The following EDA variants were observed in gnomAD, a reference collection of about 807,000 sequenced individuals.
EDA encodes ectodysplasin A, also known as ectodysplasin-A.
A neutral mutation model predicts 23.6 loss-of-function variants in EDA; 2 were observed. The observed-to-expected ratio is 0.08, with a 90% confidence interval of 0.03 to 0.27. The LOEUF is 0.27. Ranked by LOEUF, EDA falls within the 10% of genes least tolerant of loss-of-function variation. The pLI, the probability that EDA is intolerant of heterozygous loss-of-function variation, is 1.00. For missense variants in EDA, 229 were observed against 324.2 expected, an observed-to-expected ratio of 0.71 and a Z score of 2.26; for synonymous variants, 131 against 132.0, an observed-to-expected ratio of 0.99 and a Z score of 0.05.
chrX:69,956,884 G>T (rs2019015972), intron 1 of EDA, 143 bp from the exon 2 acceptor site: 2 of 519,869 alleles, frequency 3.8e-6, no homozygotes, highest in African/African-American at 2.3e-5. Context: ...AAAATGGTTT[G>T]TACAGTGGAG....
At chrX:69,764,396 C>T (rs1242788787) in intron 1 of EDA, among the ~76,000 whole-genome samples, 1 of 107,608 alleles carries the variant, frequency 9.3e-6, no homozygotes, top group Non-Finnish European at 1.9e-5. Context: ...GTGCCTGCCA[C>T]CATGCCTGGC....
At chrX:69,807,592 G>T (rs774895580) in intron 1 of EDA, among the ~76,000 whole-genome samples, 1 of 107,892 alleles carries the variant, frequency 9.3e-6, no homozygotes, top group Admixed American at 1.0e-4. Flanking sequence ...ACAAGTTGGG[G>T]AGTTATTTCC....
intron 1 of EDA, among the ~76,000 whole-genome samples, chrX:69,681,555 G>A (rs1252441133): frequency 3.6e-5 from 4 of 110,623 alleles, no homozygotes; most frequent in Admixed American, 9.6e-5. Flanking sequence ...TTCCCTTCTC[G>A]CTTAATTTCA....
At chrX:69,988,701 CA>C (rs1249343028) in intron 2 of EDA, among the ~76,000 whole-genome samples, 1 of 109,923 alleles carries the variant, frequency 9.1e-6, no homozygotes, top group Non-Finnish European at 1.9e-5. Flanking sequence ...ACTAAAAATA[CA>C]AAAATTAGCC....
chrX:69,827,989 G>C (rs1178337204), intron 1 of EDA, among the ~76,000 whole-genome samples: 2 of 110,782 alleles, frequency 1.8e-5, no homozygotes, highest in Non-Finnish European at 3.8e-5. Flanking sequence ...CCTGCTGGGG[G>C]GTGCCTCCCA....
chrX:69,776,174 G>T lies in EDA; in HGVS notation c.396+159470G>T, dbSNP rs372401288. On this transcript the variant is annotated intron_variant, in intron 1 of 7. Transcript: ENST00000374552. ...TATAACTGATTCTTACATGACAAAA[G>T]AATAGTTGAACAGATGTGCAGGGGC... Among the ~76,000 whole-genome samples, 3 of 111,834 alleles carry T rather than the reference G, an allele frequency of 2.7e-5. No individual in the cohort carries two copies. In the East Asian group the frequency reaches 8.4e-4, roughly 31 times the overall value.
At chrX:69,822,922 C>T (rs974508705) in intron 1 of EDA, among the ~76,000 whole-genome samples, 2 of 95,732 alleles carry the variant, frequency 2.1e-5, no homozygotes, top group African/African-American at 7.9e-5. Context: ...GTTCAATTCC[C>T]ACCTATGAGT....
At chrX:69,880,676 C>T (rs2017731228) in intron 1 of EDA, among the ~76,000 whole-genome samples, 1 of 112,247 alleles carries the variant, frequency 8.9e-6, no homozygotes, top group Admixed American at 9.4e-5. Flanking sequence ...TGGTATACCT[C>T]ACATTGGGCA....
In EDA at chrX:70,029,363, T is replaced by C; in HGVS notation, c.707-141T>C. On this transcript the variant is annotated intron_variant, in intron 4 of 7. Transcript: ENST00000374552. ...AACAGAAGGGGTGCACTCTGACTCT[T>C]CCTCCAGCTCTGAGCCCTGGAGAAT... is the stretch of plus-strand genomic sequence containing the variant. 3 of 712,828 alleles carry C rather than the reference T, an allele frequency of 4.2e-6. No individual in the cohort carries two copies. The South Asian group carries it at 6.9e-5, about 16-fold the overall frequency. The allele number at this position is 712,828 out of a possible 1,213,427, so 58.7% of individuals were successfully genotyped here. A position where few individuals can be genotyped will look rare whatever the true frequency, so the allele number is the denominator to read the frequency against.
intron 2 of EDA, among the ~76,000 whole-genome samples, chrX:69,963,875 A>G (rs565334300): frequency 8.9e-6 from 1 of 111,924 alleles, no homozygotes; most frequent in African/African-American, 3.2e-5. Context: ...TACAAAAATG[A>G]TACATATATT....
At chrX:69,726,438 A>G (rs2012804206) in intron 1 of EDA, among the ~76,000 whole-genome samples, 2 of 112,398 alleles carry the variant, frequency 1.8e-5, no homozygotes. Flanking sequence ...AATCAGCTCA[A>G]CCTTAGCAGG....
chrX:69,617,729 T>C, intron 1 of EDA: 1 of 356,496 alleles, frequency 2.8e-6, no homozygotes, highest in Non-Finnish European at 5.5e-6. Context: ...TTGTACCTCT[T>C]AGGGAAGAGA....
intron 1 of EDA, among the ~76,000 whole-genome samples, chrX:69,795,544 A>G (rs766580603): frequency 3.5e-5 from 4 of 113,092 alleles, no homozygotes; most frequent in African/African-American, 1.3e-4. Flanking sequence ...ATAAATCATT[A>G]AAAACATAAT....
chrX:69,740,990 A>AT (rs996483304), intron 1 of EDA, among the ~76,000 whole-genome samples: 1 of 108,455 alleles, frequency 9.2e-6, no homozygotes, highest in Non-Finnish European at 1.9e-5. Flanking sequence ...TTCCATATAT[A>AT]TTTTTTTCTA....
chrX:69,925,618 TTTG>T (rs1266882316), intron 1 of EDA, among the ~76,000 whole-genome samples: 1 of 110,938 alleles, frequency 9.0e-6, no homozygotes, highest in Non-Finnish European at 1.9e-5. Context: ...GTTTTCTGTT[TTTG>T]TTGTGTCTCT....
rs371541940 is a variant in EDA, at chrX:69,731,518, T to C, written c.396+114814T>C. ...GTACAGTAGCGTGATCTCGGCTCACTGCAACCTCCGCCTCCCGGGTTCAAG... is the reference window on the plus strand; with the variant it reads ...GTACAGTAGCGTGATCTCGGCTCACCGCAACCTCCGCCTCCCGGGTTCAAG... On this transcript the variant is annotated intron_variant, in intron 1 of 7. Coordinates refer to ENST00000374552, the MANE Select transcript of EDA (RefSeq NM_001399.5). Among the ~76,000 whole-genome samples, 10 of 110,213 alleles carry C rather than the reference T, an allele frequency of 9.1e-5. No individual in the cohort carries two copies. The East Asian group carries it at 2.6e-3, about 28-fold the overall frequency.
intron 7 of EDA, among the ~76,000 whole-genome samples, chrX:70,034,481 A>C (rs745479884): frequency 2.0e-4 from 22 of 111,982 alleles, no homozygotes; most frequent in Non-Finnish European, 3.9e-4. Context: ...CCCATGGGGC[A>C]CATGGGCATA....
At chrX:69,750,475 G>A (rs968769195) in intron 1 of EDA, among the ~76,000 whole-genome samples, 2 of 110,106 alleles carry the variant, frequency 1.8e-5, no homozygotes, top group African/African-American at 6.6e-5. Flanking sequence ...TAGTGCCGCA[G>A]TAAACATACG....
chrX:69,988,959 C>T (rs751454555), intron 2 of EDA, among the ~76,000 whole-genome samples: 1 of 111,787 alleles, frequency 8.9e-6, no homozygotes, highest in African/African-American at 3.2e-5. Context: ...GAAAGCTGAA[C>T]CCCCACACCC....
Sources: gnomAD v4.1 joint callset for allele counts (sites outside exome capture counted in the v4.1 genomes callset) on GRCh38, gnomAD v4.1.1 for gene constraint, MANE v1.5 for transcripts, NCBI Gene and HGNC (gene_info 2026-07-23, HGNC 2026-07-21) for gene names.